The following PHACTR1 variants were observed in gnomAD, a reference collection of about 807,000 sequenced individuals.
PHACTR1 encodes phosphatase and actin regulator 1.
A neutral mutation model predicts 69.2 loss-of-function variants in PHACTR1; 16 were observed. The ratio of observed to expected loss-of-function variants is 0.23; its 90% confidence interval spans 0.16 to 0.35. PHACTR1 has a LOEUF of 0.35. Among genes scored for constraint, PHACTR1 ranks in the 10% least tolerant of loss-of-function variants. The pLI is 1.00. For missense variants in PHACTR1, 510 were observed against 734.7 expected (o/e 0.69, Z 3.54); for synonymous variants, 312 against 284.5 (o/e 1.10, Z -0.97).
chr6:12,794,834 A>G (rs561921677), intron 4 of PHACTR1, among the ~76,000 whole-genome samples: 89 of 152,288 alleles, frequency 5.8e-4, no homozygotes, highest in African/African-American at 2.0e-3. Flanking sequence ...CATAGGGATT[A>G]GAGAGAGTGG....
chr6:13,224,426 GAAGTA>G (rs1392887305), intron 8 of PHACTR1, among the ~76,000 whole-genome samples: 1 of 152,226 alleles, frequency 6.6e-6, no homozygotes, highest in Non-Finnish European at 1.5e-5. Flanking sequence ...TTTGGAGACA[GAAGTA>G]AAGAAGTGGG....
At chr6:12,812,200 G>A (rs1488141742) in intron 4 of PHACTR1, among the ~76,000 whole-genome samples, 1 of 152,040 alleles carries the variant, frequency 6.6e-6, no homozygotes, top group Non-Finnish European at 1.5e-5. Context: ...TCCCCTTTCT[G>A]TCTCTGCAGA....
rs1561767930 is a variant in PHACTR1 at position 13,059,495 on chromosome 6, A to ACACAC, written c.415+5966_415+5967insCACAC. 4.9e-3 allele frequency among the ~76,000 whole-genome samples: 713 copies of ACACAC among 144,528 alleles called. 8 individuals are homozygous for ACACAC. Among genetic ancestry groups the ACACAC allele is most frequent in the African/African-American group, 0.018 (673 of 37,262 alleles). 94.8% of individuals were successfully genotyped at this position (144,528 alleles called of 152,430 possible). On this transcript the variant is annotated intron_variant, in intron 5 of 14. Coordinates refer to ENST00000332995, the MANE Select transcript of PHACTR1 (RefSeq NM_030948.6). ...ACACACACACACACACACACACACA[A>ACACAC]AACCCACAGAGGAACACAAGGGAAC...
At chr6:13,133,673 G>A (rs1820938492) in intron 5 of PHACTR1, among the ~76,000 whole-genome samples, 1 of 152,064 alleles carries the variant, frequency 6.6e-6, no homozygotes, top group South Asian at 2.1e-4. Flanking sequence ...CGCCTGCCTT[G>A]GCCTCCCAAA....
chr6:13,087,202 A>T (rs1333474102), intron 5 of PHACTR1, among the ~76,000 whole-genome samples: 2 of 147,484 alleles, frequency 1.4e-5, no homozygotes, highest in African/African-American at 5.0e-5. Context: ...TTAGATATCT[A>T]ATATATATAT....
At chr6:13,250,094 T>C (rs994249381) in intron 10 of PHACTR1, among the ~76,000 whole-genome samples, 1 of 152,164 alleles carries the variant, frequency 6.6e-6, no homozygotes, top group Non-Finnish European at 1.5e-5. Context: ...CACACCATAA[T>C]GGCAGAGTTG....
chr6:12,772,636 A>C (rs1421476159), intron 4 of PHACTR1, among the ~76,000 whole-genome samples: 2 of 152,024 alleles, frequency 1.3e-5, no homozygotes, highest in African/African-American at 4.8e-5. Flanking sequence ...AGTGTTTTTG[A>C]CTTTTTTTGT....
At chr6:13,255,218 C>G (rs909064143) in intron 10 of PHACTR1, among the ~76,000 whole-genome samples, 3 of 152,156 alleles carry the variant, frequency 2.0e-5, no homozygotes, top group African/African-American at 4.8e-5. Context: ...TTTTAAACAA[C>G]CAGATCTCAT....
rs191158749 is a variant in PHACTR1 at position 12,873,190 on chromosome 6, A to G, written c.250+123400A>G. Among the ~76,000 whole-genome samples, 33 of 152,014 alleles carry G rather than the reference A, an allele frequency of 2.2e-4. No individual in the cohort carries two copies. The East Asian group carries it at 5.2e-3, about 24-fold the overall frequency. Reference sequence around the variant, plus strand: ...CCACACCCAGCTAACTTTTTAAAAAATTCTTTTGTAGAGATAGGATCTTGC... The same window carrying G: ...CCACACCCAGCTAACTTTTTAAAAAGTTCTTTTGTAGAGATAGGATCTTGC... On this transcript the variant is annotated intron_variant, in intron 4 of 14. Coordinates refer to ENST00000332995, the MANE Select transcript of PHACTR1 (RefSeq NM_030948.6).
intron 4 of PHACTR1, among the ~76,000 whole-genome samples, chr6:12,915,243 C>T (rs548795498): frequency 9.9e-5 from 15 of 152,172 alleles, no homozygotes; most frequent in South Asian, 2.1e-4. Flanking sequence ...CAGTGGCTCA[C>T]GCCTGTAATC....
chr6:12,857,915 T>C (rs1216184873), intron 4 of PHACTR1, among the ~76,000 whole-genome samples: 1 of 152,198 alleles, frequency 6.6e-6, no homozygotes, highest in Non-Finnish European at 1.5e-5. Flanking sequence ...ATTTACCACT[T>C]ATTCACAGTC....
chr6:12,854,169 T>A (rs945151442), intron 4 of PHACTR1, among the ~76,000 whole-genome samples: 1 of 152,192 alleles, frequency 6.6e-6, no homozygotes, highest in Non-Finnish European at 1.5e-5. Flanking sequence ...TCTGAGATGA[T>A]GGAAATCCTT....
At chr6:12,944,787 A>ATTT (rs67157877) in intron 4 of PHACTR1, among the ~76,000 whole-genome samples, 12 of 116,392 alleles carry the variant, frequency 1.0e-4, no homozygotes, top group African/African-American at 3.3e-4. Flanking sequence ...ATTTTTATTT[A>ATTT]TTTTTTTTTT....
At chr6:12,957,377 T>C (rs899639946) in intron 4 of PHACTR1, 152 of 984,936 alleles carry the variant, frequency 1.5e-4, no homozygotes, top group African/African-American at 3.1e-4. Flanking sequence ...CTCCCAGAGA[T>C]TGGGGACGGC....
chr6:12,939,210 T>C (rs538610380), intron 4 of PHACTR1, among the ~76,000 whole-genome samples: 2 of 152,318 alleles, frequency 1.3e-5, no homozygotes, highest in South Asian at 4.1e-4. Context: ...GAAAATACAA[T>C]GGTAAAGCCT....
intron 11 of PHACTR1, chr6:13,273,133 G>T (rs562933015): frequency 3.3e-6 from 2 of 601,780 alleles, no homozygotes; most frequent in Admixed American, 7.0e-5. Context: ...GCTCACGGGC[G>T]GCAGGCAGAA....
intron 4 of PHACTR1, among the ~76,000 whole-genome samples, chr6:12,963,690 C>T (rs558378341): frequency 6.6e-6 from 1 of 151,856 alleles, no homozygotes; most frequent in East Asian, 1.9e-4. Context: ...GACAGACTTA[C>T]CCTCTACCAG....
At chr6:12,851,872 TTACCCAGACTGGAG>T (rs1026322524) in intron 4 of PHACTR1, among the ~76,000 whole-genome samples, 15 of 152,302 alleles carry the variant, frequency 9.8e-5, no homozygotes, top group African/African-American at 2.9e-4. Context: ...TCTTACTCTG[TTACCCAGACTGGAG>T]TGCAGTGGTG....
chr6:12,797,588 A>T (rs1450623959), intron 4 of PHACTR1, among the ~76,000 whole-genome samples: 3 of 152,180 alleles, frequency 2.0e-5, no homozygotes, highest in African/African-American at 7.2e-5. Context: ...GGAGGTAGCC[A>T]GTACAGTGGG....
Sources: allele counts gnomAD v4.1 joint callset (sites outside exome capture counted in the v4.1 genomes callset), GRCh38; gene constraint gnomAD v4.1.1; transcripts MANE v1.5; gene names NCBI Gene and HGNC (gene_info 2026-07-23, HGNC 2026-07-21).